Variants in CNTN4 observed in about 807,000 individuals in gnomAD.
CNTN4 encodes the protein contactin 4.
CNTN4 carries 77 observed loss-of-function variants against 122.5 expected under a neutral mutation model. The observed-to-expected ratio is 0.63, with a 90% CI of 0.52 to 0.76. The LOEUF (loss-of-function observed/expected upper bound fraction) is 0.76, where lower values mean the gene tolerates loss of function less well. CNTN4 is among the 30% of genes least tolerant of loss of function. The pLI, the probability that CNTN4 is intolerant of heterozygous loss-of-function variation, is 0.00. For synonymous variants in CNTN4, 512 were observed against 447.0 expected (o/e 1.15, Z -1.83); for missense variants, 1,256 against 1,259.1 (o/e 1.00, Z 0.04).
At chr3:2,751,370 A>G (rs910928345) in intron 6 of CNTN4, among the ~76,000 whole-genome samples, 9 of 152,094 alleles carry the variant, frequency 5.9e-5, no homozygotes, top group African/African-American at 2.2e-4. Context: ...TGAATCAAAC[A>G]AGCCCTCAAA....
intron 4 of CNTN4, among the ~76,000 whole-genome samples, chr3:2,678,737 G>A (rs757828094): frequency 6.6e-6 from 1 of 152,108 alleles, no homozygotes; most frequent in Non-Finnish European, 1.5e-5. Context: ...CAAATGCCAG[G>A]CCCATGAGAT....
intron 8 of CNTN4, among the ~76,000 whole-genome samples, chr3:2,875,753 G>A (rs7611373): frequency 0.42 from 63,878 of 151,798 alleles, 13,954 homozygotes; most frequent in East Asian, 0.75. Context: ...GACTTGAACT[G>A]GGACCAACAC....
chr3:2,935,103 C>A (rs1374603398), intron 13 of CNTN4, among the ~76,000 whole-genome samples: 1 of 152,186 alleles, frequency 6.6e-6, no homozygotes, highest in East Asian at 1.9e-4. Context: ...CATAAACTTA[C>A]CCTCAGCCAA....
At chr3:2,681,640 T>C (rs2085172128) in intron 4 of CNTN4, among the ~76,000 whole-genome samples, 1 of 152,166 alleles carries the variant, frequency 6.6e-6, no homozygotes, top group Non-Finnish European at 1.5e-5. Context: ...TACGTATGTA[T>C]ACACATGTAT....
intron 4 of CNTN4, among the ~76,000 whole-genome samples, chr3:2,673,964 A>G (rs1192571487): frequency 6.6e-6 from 1 of 152,162 alleles, no homozygotes; most frequent in Non-Finnish European, 1.5e-5. Context: ...GTGGAAGAGG[A>G]CAGAGGCAAC....
chr3:2,414,532 TCTC>T (rs2047343356), intron 3 of CNTN4, among the ~76,000 whole-genome samples: 1 of 152,184 alleles, frequency 6.6e-6, no homozygotes, highest in Non-Finnish European at 1.5e-5. Context: ...GATTAAAACT[TCTC>T]TTTTTTGTAA....
intron 2 of CNTN4, among the ~76,000 whole-genome samples, chr3:2,308,766 C>T (rs1263764224): frequency 6.6e-6 from 1 of 151,636 alleles, no homozygotes. Context: ...TGATTTTATT[C>T]CTTTTAAACT....
chr3:2,393,485 G>A (rs1055287241), intron 3 of CNTN4, among the ~76,000 whole-genome samples: 3 of 152,010 alleles, frequency 2.0e-5, no homozygotes, highest in African/African-American at 7.2e-5. Flanking sequence ...GTTTTTTACA[G>A]ATGTATATAT....
intron 6 of CNTN4, among the ~76,000 whole-genome samples, chr3:2,757,918 G>A (rs547950885): frequency 1.3e-5 from 2 of 152,084 alleles, no homozygotes; most frequent in Non-Finnish European, 1.5e-5. Flanking sequence ...ATGTATTTAG[G>A]GTACACACTA....
At chr3:2,380,303 A>T (rs934037271) in intron 3 of CNTN4, among the ~76,000 whole-genome samples, 1 of 151,710 alleles carries the variant, frequency 6.6e-6, no homozygotes, top group Non-Finnish European at 1.5e-5. Flanking sequence ...TAGGGTTTGC[A>T]TCTCTGTTGT....
At chr3:2,462,215 G>A (rs912647829) in intron 3 of CNTN4, among the ~76,000 whole-genome samples, 1 of 152,192 alleles carries the variant, frequency 6.6e-6, no homozygotes, top group African/African-American at 2.4e-5. Flanking sequence ...AAAGCAGAGA[G>A]TAGCCTCCAG....
chr3:2,481,063 C>CTTTCTTTCTT (rs1575730827), intron 3 of CNTN4, among the ~76,000 whole-genome samples: 1,041 of 38,818 alleles, frequency 0.027, 19 homozygotes, highest in African/African-American at 0.063. Context: ...CTTTCTTTCT[C>CTTTCTTTCTT]TCTTTCTCTC....
intron 18 of CNTN4, 27 bp from the exon 19 acceptor site, chr3:3,038,906 T>C (rs1438411150): frequency 1.2e-6 from 2 of 1,610,706 alleles, no homozygotes; most frequent in Non-Finnish European, 1.7e-6. Context: ...CCGCCTGACA[T>C]AACTTGTTTT....
At chr3:2,693,933 T>C (rs2085876499) in intron 4 of CNTN4, among the ~76,000 whole-genome samples, 1 of 152,198 alleles carries the variant, frequency 6.6e-6, no homozygotes, top group Admixed American at 6.6e-5. Context: ...TTTGCTGCTA[T>C]TATTAGACAC....
intron 12 of CNTN4, among the ~76,000 whole-genome samples, chr3:2,911,293 C>T (rs1044824248): frequency 6.6e-6 from 1 of 152,086 alleles, no homozygotes; most frequent in South Asian, 2.1e-4. Context: ...CTTCCTGCAG[C>T]ACTAGAAAGT....
chr3:2,130,955 G>T (rs2034421377), intron 2 of CNTN4, among the ~76,000 whole-genome samples: 2 of 152,104 alleles, frequency 1.3e-5, no homozygotes, highest in Admixed American at 1.3e-4. Flanking sequence ...TTTCAGCTGA[G>T]GTCAGGTTGG....
intron 14 of CNTN4, among the ~76,000 whole-genome samples, chr3:2,995,285 G>T (rs926269157): frequency 6.6e-6 from 1 of 152,198 alleles, no homozygotes; most frequent in Non-Finnish European, 1.5e-5. Flanking sequence ...ATGAAACAGG[G>T]TGTGATTATT....
intron 4 of CNTN4, among the ~76,000 whole-genome samples, chr3:2,647,755 A>G (rs1342259236): frequency 6.6e-6 from 1 of 152,194 alleles, no homozygotes. Flanking sequence ...AGGGAAAAGA[A>G]TTTTGTAAAT....
chr3:2,859,493 C>G lies in CNTN4; in HGVS notation c.455-7259C>G, dbSNP rs556959961. Among the ~76,000 whole-genome samples the G allele has an allele frequency of 2.0e-5, 3 of 151,932 alleles. 1 individual carries two copies. Among genetic ancestry groups the G allele is most frequent in the African/African-American group, 7.2e-5 (3 of 41,428 alleles). ...TGTCCTGTGCACTGTCACTCTTCAG[C>G]CTCCACTCCAGTCTGAACATGCTAA... On this transcript the variant is annotated intron_variant, in intron 7 of 24. Coordinates refer to ENST00000418658, the MANE Select transcript of CNTN4 (RefSeq NM_175607.3).
Sources: allele counts gnomAD v4.1 joint callset (sites outside exome capture counted in the v4.1 genomes callset), GRCh38; gene constraint gnomAD v4.1.1; transcripts MANE v1.5; gene names NCBI Gene and HGNC (gene_info 2026-07-23, HGNC 2026-07-21).